Variants in SDHA observed in about 807,000 individuals in gnomAD.
SDHA encodes the protein succinate dehydrogenase complex flavoprotein subunit A.
Under a neutral mutation model 78.4 loss-of-function variants are expected in SDHA, and 48 were observed. The ratio of observed to expected loss-of-function variants is 0.61; its 90% CI spans 0.49 to 0.78. The LOEUF (loss-of-function observed/expected upper bound fraction) is 0.78, where lower values mean the gene tolerates loss of function less well. Ranked by LOEUF, SDHA falls within the 30% of genes least tolerant of loss-of-function variation. The probability of loss-of-function intolerance (pLI) is 0.00; values close to 1 mark genes in which losing one functional copy is unlikely to be tolerated. For synonymous variants in SDHA, 326 were observed against 353.9 expected (o/e 0.92, Z 0.88); for missense variants, 680 against 892.7 (o/e 0.76, Z 3.04).
chr5:230,755 T>G, intron 6 of SDHA, 121 bp from the exon 7 acceptor site: 1 of 1,325,592 alleles, frequency 7.5e-7, no homozygotes, highest in African/African-American at 1.5e-5. Flanking sequence ...AGTAGGGGGT[T>G]GTGTGTGCAC....
In SDHA at chr5:240,417, A is replaced by C. The variant is rs372039270; in HGVS notation, c.1492A>C (p.Lys498Gln). The change falls in exon 11 of 15, where the codon AAA becomes CAA. Residue 498 changes from lysine to glutamine, a missense_variant. Coordinates refer to ENST00000264932, the MANE Select transcript of SDHA (RefSeq NM_004168.4). ...GGAAGAATCTGTCATGAATCTTGAC[A>C]AATTGAGATTTGCTGATGGAAGCAT... The part of the protein sequence containing the change: ...AGEESVMNLD[K>Q]LRFADGSIRT... 2 of 1,611,946 alleles carry C rather than the reference A, an allele frequency of 1.2e-6. No homozygotes were observed. The highest frequency in any genetic ancestry group is 1.7e-6 in the Non-Finnish European group (2 of 1,179,384).
chr5:265,102 G>C, the SDHA span, among the ~76,000 whole-genome samples: 1 of 152,184 alleles, frequency 6.6e-6, no homozygotes, highest in Non-Finnish European at 1.5e-5. Flanking sequence ...AGCTATTCAG[G>C]AGGCTGAGGC....
intron 11 of SDHA, among the ~76,000 whole-genome samples, chr5:243,040 A>C: frequency 6.6e-6 from 1 of 152,216 alleles, no homozygotes; most frequent in South Asian, 2.1e-4. Flanking sequence ...CAGTGGGCGA[A>C]AAGTAGTTGC....
chr5:243,203 T>C lies in SDHA; in HGVS notation c.1551+2727T>C, dbSNP rs1579423464. On this transcript the variant is annotated intron_variant, in intron 11 of 14. Transcript: ENST00000264932. Reference sequence around the variant, plus strand: ...CAACAGGGAAATATTACAGCTACATTTGAGCCTTTTCCCTTTAAATTACTT... The same window carrying C: ...CAACAGGGAAATATTACAGCTACATCTGAGCCTTTTCCCTTTAAATTACTT... Among the ~76,000 whole-genome samples, 11 of 152,312 alleles carry C rather than the reference T, an allele frequency of 7.2e-5. 4 individuals are homozygous for C. Among genetic ancestry groups the C allele is most frequent in the Admixed American group, 7.2e-4 (11 of 15,308 alleles).
At chr5:247,115 G>A (rs566038882) in intron 11 of SDHA, among the ~76,000 whole-genome samples, 2 of 152,020 alleles carry the variant, frequency 1.3e-5, no homozygotes, top group Admixed American at 6.5e-5. Context: ...ACTCTGGCTC[G>A]AAAGGTAAAG....
rs759827541 is a variant in SDHA, at chr5:225,902, C to T, written c.476C>T (p.Pro159Leu). ...TCACAGCTAGAAAATTATGGCATGC[C>T]GTTTAGCAGAACTGAAGATGGGAAG... ...AVVELENYGM[P>L]FSRTEDGKIY... The change falls in exon 5 of 15, where the codon CCG (proline) becomes CTG (leucine). Residue 159 changes from proline to leucine, a missense_variant. By Grantham distance (98) the Pro-to-Leu change is moderately conservative. Transcript: ENST00000264932. The T allele has an allele frequency of 9.3e-6, 15 of 1,613,010 alleles. No homozygotes were observed. Among genetic ancestry groups the T allele is most frequent in the Non-Finnish European group, 1.1e-5 (13 of 1,179,934 alleles).
Position 218,715 on chromosome 5 carries a change from C to A in SDHA, c.63+297C>A, listed in dbSNP as rs537076837. On this transcript the variant is annotated intron_variant, in intron 1 of 14. Transcript: ENST00000264932. The stretch of plus-strand genomic sequence containing the variant: ...TGGTCCGGGCCTGGGGTCCTGGGAC[C>A]CCGCGGGCTGAGGTAGCCCCTCGCC... 2.8e-5 allele frequency among the ~76,000 whole-genome samples: 4 copies of A among 143,428 alleles called. No homozygotes were observed. The East Asian group carries it at 5.8e-4, about 21-fold the overall frequency. 94.1% of individuals were successfully genotyped at this position (143,428 alleles called of 152,430 possible).
At chr5:218,999 C>T (rs1236295172) in intron 1 of SDHA, among the ~76,000 whole-genome samples, 1 of 152,228 alleles carries the variant, frequency 6.6e-6, no homozygotes, top group Non-Finnish European at 1.5e-5. Flanking sequence ...TTGCAGTTCG[C>T]CTTTCCAGAA....
intron 6 of SDHA, among the ~76,000 whole-genome samples, chr5:228,778 G>T (rs1334475323): frequency 6.6e-6 from 1 of 152,012 alleles, no homozygotes; most frequent in East Asian, 1.9e-4. Flanking sequence ...CATTTTAAAA[G>T]TTAAAAAGTG....
At chr5:268,202 G>C in the SDHA span, among the ~76,000 whole-genome samples, 1 of 116,118 alleles carries the variant, frequency 8.6e-6, no homozygotes, top group Middle Eastern at 4.9e-3. Flanking sequence ...TTTTTTTTTT[G>C]AGACGGAGTC....
intron 4 of SDHA, 142 bp from the exon 5 acceptor site, chr5:225,741 C>A (rs1477379774): frequency 2.2e-6 from 3 of 1,359,532 alleles, no homozygotes; most frequent in Non-Finnish European, 3.1e-6. Flanking sequence ...GAAAACTTCT[C>A]TTTGATGAAG....
chr5:242,455 C>T (rs921457888), intron 11 of SDHA, among the ~76,000 whole-genome samples: 7 of 152,188 alleles, frequency 4.6e-5, no homozygotes, highest in African/African-American at 9.7e-5. Flanking sequence ...CTTTGTTTCC[C>T]GTAAGGAATA....
Position 223,565 on chromosome 5 carries a change from T to C in SDHA, c.147T>C (p.Asp49=), listed in dbSNP as rs2126539950. 9 of 1,610,726 alleles carry C rather than the reference T, an allele frequency of 5.6e-6. No homozygotes were observed. The highest frequency in any genetic ancestry group is 7.6e-6 in the Non-Finnish European group (9 of 1,176,830). The part of the protein sequence containing the change: ...GNKRASAKVS[D]SISAQYPVVD... The stretch of plus-strand genomic sequence containing the variant: ...AGAGGGCATCTGCTAAAGTTTCAGA[T>C]TCCGTAAGTTCATGCTTTTTGTTCC... The change falls in exon 2 of 15, where the codon GAT becomes GAC. Residue 49 remains aspartate (D), a synonymous_variant. Transcript: ENST00000264932.
At chr5:243,823 C>A (rs1336202952) in intron 11 of SDHA, among the ~76,000 whole-genome samples, 3 of 152,098 alleles carry the variant, frequency 2.0e-5, no homozygotes, top group Non-Finnish European at 2.9e-5. Context: ...CAGAGGTACT[C>A]TGCATAAAGC....
chr5:238,820 A>G (rs868534276), intron 10 of SDHA, among the ~76,000 whole-genome samples: 59 of 152,058 alleles, frequency 3.9e-4, no homozygotes, highest in African/African-American at 1.4e-3. Flanking sequence ...TTAGCTGGGC[A>G]TGGTGGCTCA....
chr5:220,530 A>G (rs1315348734), intron 1 of SDHA, among the ~76,000 whole-genome samples: 2 of 152,200 alleles, frequency 1.3e-5, no homozygotes, highest in Non-Finnish European at 2.9e-5. Flanking sequence ...TCCATTCTGC[A>G]TTCCTCATGA....
intron 5 of SDHA, among the ~76,000 whole-genome samples, chr5:227,101 C>T (rs1735078486): frequency 6.6e-6 from 1 of 152,048 alleles, no homozygotes; most frequent in Non-Finnish European, 1.5e-5. Flanking sequence ...ACTTCCACCT[C>T]CTGGATTCAA....
chr5:218,365 G>C lies in SDHA; in HGVS notation c.10G>C (p.Val4Leu). 6.9e-7 allele frequency: 1 copy of C among 1,459,644 alleles called. No individual in the cohort carries two copies. Among genetic ancestry groups the C allele is most frequent in the Non-Finnish European group, 9.0e-7 (1 of 1,114,738 alleles). The allele number at this position is 1,459,644 out of a possible 1,614,324, so 90.4% of individuals were successfully genotyped here. Residue 4 changes from valine to leucine, a missense_variant, in exon 1 of 15, where the codon GTC becomes CTC. Coordinates refer to ENST00000264932, the MANE Select transcript of SDHA (RefSeq NM_004168.4). MSG[V>L]RGLSRLLSAR... ...GGCGGCAACAGCAGACATGTCGGGGGTCCGGGGCCTGTCGCGGCTGCTGAG... is the reference window on the plus strand; with the variant it reads ...GGCGGCAACAGCAGACATGTCGGGGCTCCGGGGCCTGTCGCGGCTGCTGAG...
chr5:230,871 T>G lies in SDHA; in HGVS notation c.771-5T>G, dbSNP rs746082750. 6.2e-7 allele frequency: 1 copy of G among 1,614,062 alleles called. No homozygotes were observed. The highest frequency in any genetic ancestry group is 8.5e-7 in the Non-Finnish European group (1 of 1,180,000). On this transcript the variant is annotated splice_polypyrimidine_tract_variant and splice_region_variant and intron_variant, in intron 6 of 14. Transcript: ENST00000264932. ...TGTGCAGTCACTGCTCTCTATTGTT[T>G]CCAGAGGCTACGGGCGCACCTACTT...
Sources: allele counts gnomAD v4.1 joint callset (sites outside exome capture counted in the v4.1 genomes callset), GRCh38; gene constraint gnomAD v4.1.1; transcripts MANE v1.5; gene names NCBI Gene and HGNC (gene_info 2026-07-23, HGNC 2026-07-21).